ZNF131: variants seen among roughly 807,000 people sequenced by gnomAD.
ZNF131 encodes zinc finger and BTB domain containing 35, also known as zinc finger protein 131.
A neutral mutation model predicts 60.0 loss-of-function variants in ZNF131; 7 were observed. The observed-to-expected ratio is 0.12, with a 90% CI of 0.07 to 0.22. The LOEUF (loss-of-function observed/expected upper bound fraction) is 0.22, where lower values mean the gene tolerates loss of function less well. ZNF131 is among the 10% of genes least tolerant of loss of function. The pLI is 1.00. For synonymous variants in ZNF131, 257 were observed against 253.2 expected (o/e 1.01, Z -0.14); for missense variants, 493 against 740.9 (o/e 0.67, Z 3.88).
intron 3 of ZNF131, chr5:43,124,360 T>C (rs1744242884): frequency 6.6e-6 from 1 of 152,204 alleles, no homozygotes; most frequent in Non-Finnish European, 1.5e-5. Flanking sequence ...GTTTTGGTTT[T>C]ATATCTATTT....
chr5:43,145,705 T>G (rs1747496501), intron 4 of ZNF131, among the ~76,000 whole-genome samples: 3 of 152,140 alleles, frequency 2.0e-5, no homozygotes, highest in African/African-American at 4.8e-5. Flanking sequence ...ACACTTGTAC[T>G]TGAAAAGAAC....
intron 4 of ZNF131, among the ~76,000 whole-genome samples, chr5:43,149,150 A>C (rs1332787006): frequency 6.6e-6 from 1 of 152,140 alleles, no homozygotes; most frequent in Non-Finnish European, 1.5e-5. Context: ...GGATGCCTGT[A>C]ATCCCAGCTA....
intron 4 of ZNF131, among the ~76,000 whole-genome samples, chr5:43,154,059 C>T (rs1271088449): frequency 6.6e-6 from 1 of 152,102 alleles, no homozygotes; most frequent in African/African-American, 2.4e-5. Flanking sequence ...TTTCAAGAGC[C>T]ACAGTAGTGT....
chr5:43,171,087 G>A (rs1750933274), intron 5 of ZNF131, among the ~76,000 whole-genome samples: 1 of 151,878 alleles, frequency 6.6e-6, no homozygotes, highest in African/African-American at 2.4e-5. Context: ...TGGGATTACA[G>A]GTGCCTGCCA....
At chr5:43,164,835 T>G (rs77826997) in intron 5 of ZNF131, among the ~76,000 whole-genome samples, 15 of 152,222 alleles carry the variant, frequency 9.9e-5, no homozygotes, top group Non-Finnish European at 2.1e-4. Flanking sequence ...ATATACCCAT[T>G]GGAGGAACAG....
chr5:43,163,683 A>G (rs1488832920), intron 5 of ZNF131, among the ~76,000 whole-genome samples: 1 of 152,260 alleles, frequency 6.6e-6, no homozygotes, highest in Non-Finnish European at 1.5e-5. Context: ...TGGAGAGAGC[A>G]GTTAATACAG....
chr5:43,166,424 G>A (rs1750357607), intron 5 of ZNF131, among the ~76,000 whole-genome samples: 1 of 151,500 alleles, frequency 6.6e-6, no homozygotes, highest in East Asian at 1.9e-4. Flanking sequence ...GCAGTCATGC[G>A]ATCTCGGCTC....
At chr5:43,124,871 T>TA in intron 3 of ZNF131, 1 of 152,122 alleles carries the variant, frequency 6.6e-6, no homozygotes, top group Non-Finnish European at 1.5e-5. Context: ...ACAAAAAATT[T>TA]AAAAAATTAT....
intron 6 of ZNF131, 90 bp from the exon 7 acceptor site, chr5:43,174,357 T>A: frequency 8.5e-7 from 1 of 1,180,158 alleles, no homozygotes; most frequent in Non-Finnish European, 1.2e-6. Flanking sequence ...GAATAAGCCT[T>A]CAATCTTTTC....
rs376946532 is a variant in ZNF131, at chr5:43,174,928, A to C, written c.1667A>C (p.Gln556Pro). 6.2e-6 allele frequency: 10 copies of C among 1,614,044 alleles called. No individual in the cohort carries two copies. In the African/African-American group the frequency reaches 9.3e-5, roughly 15 times the overall value. The part of the protein sequence containing the change: ...ERVNQMPVEV[Q>P]TELLEADLDH... ...GTCAATCAAATGCCAGTGGAAGTACAAACTGAACTTCTAGAAGCAGATTTG... is the reference window on the plus strand; with the variant it reads ...GTCAATCAAATGCCAGTGGAAGTACCAACTGAACTTCTAGAAGCAGATTTG... Residue 556 changes from glutamine to proline, a missense_variant, in exon 7 of 7, where the codon CAA becomes CCA. Physicochemically the swap from Gln to Pro is moderately conservative, Grantham distance 76. This residue lies in a region of ZNF131 where 202 missense variants were observed against 221.3 expected (regional missense o/e 0.91). Transcript: ENST00000682664.
rs944652104 is a variant in ZNF131, at chr5:43,168,106, C to G, written c.1055-5212C>G. On this transcript the variant is annotated intron_variant, in intron 5 of 6. Transcript: ENST00000682664. ...CCACCCATCCCATTCCCATGATAACCCATTAATTCATTGATCCATGAATGG... is the reference window on the plus strand; with the variant it reads ...CCACCCATCCCATTCCCATGATAACGCATTAATTCATTGATCCATGAATGG... The G allele has an allele frequency of 4.3e-5, 15 of 349,610 alleles. No individual in the cohort carries two copies. In the Admixed American group the frequency reaches 5.7e-4, roughly 13 times the overall value. The allele number at this position is 349,610 out of a possible 1,614,324, so 21.7% of individuals were successfully genotyped here. A position where few individuals can be genotyped will look rare whatever the true frequency, so the allele number is the denominator to read the frequency against.
chr5:43,161,430 G>A lies in ZNF131; in HGVS notation c.553G>A (p.Glu185Lys), dbSNP rs752883113. 1.8e-5 allele frequency: 29 copies of A among 1,614,118 alleles called. No homozygotes were observed. The highest frequency in any genetic ancestry group is 6.7e-5 in the African/African-American group (5 of 74,946). Residue 185 changes from glutamate (E) to lysine (K), a missense_variant, in exon 5 of 7, where the codon GAA becomes AAA. Glu to Lys is a moderately conservative substitution (Grantham distance 56). Coordinates refer to ENST00000682664, the MANE Select transcript of ZNF131 (RefSeq NM_001330707.2). ...GTIEVEDEGI[E>K]TLEEVASAKQ... ...CATTGAAGTGGAAGATGAAGGCATC[G>A]AAACATTAGAGGAAGTGGCTTCTGC...
chr5:43,171,516 C>CTTG (rs1488537280), intron 5 of ZNF131, among the ~76,000 whole-genome samples: 1 of 152,132 alleles, frequency 6.6e-6, no homozygotes, highest in Non-Finnish European at 1.5e-5. Flanking sequence ...TGAGATCATG[C>CTTG]CATTGCACTC....
chr5:43,160,228 C>T (rs1037533444), intron 4 of ZNF131, among the ~76,000 whole-genome samples: 13 of 151,146 alleles, frequency 8.6e-5, no homozygotes, highest in African/African-American at 3.2e-4. Context: ...GTCAGCTGGG[C>T]ACAGTAGCTC....
At chr5:43,152,514 T>A (rs1321842682) in intron 4 of ZNF131, among the ~76,000 whole-genome samples, 1 of 152,190 alleles carries the variant, frequency 6.6e-6, no homozygotes, top group Non-Finnish European at 1.5e-5. Flanking sequence ...GCAGTCAGTT[T>A]AAAAATGCTT....
intron 3 of ZNF131, chr5:43,124,250 A>G (rs1579694737): frequency 6.6e-6 from 1 of 152,336 alleles, no homozygotes; most frequent in African/African-American, 2.4e-5. Flanking sequence ...CTGCTACTGC[A>G]GTAACTCCTC....
intron 3 of ZNF131, chr5:43,123,612 A>G (rs1245180078): frequency 4.1e-6 from 1 of 246,362 alleles, no homozygotes; most frequent in Non-Finnish European, 7.9e-6. Context: ...TTTTGAAAAC[A>G]AGTATTAAAC....
chr5:43,149,225 C>T (rs149270189), intron 4 of ZNF131, among the ~76,000 whole-genome samples: 7 of 150,722 alleles, frequency 4.6e-5, no homozygotes, highest in South Asian at 2.1e-4. Flanking sequence ...GAGCCGAGAT[C>T]GTGCCATTGC....
intron 5 of ZNF131, among the ~76,000 whole-genome samples, chr5:43,165,979 AT>A (rs779106094): frequency 2.2e-4 from 33 of 152,354 alleles, no homozygotes; most frequent in Non-Finnish European, 3.7e-4. Flanking sequence ...CTTTTATGTT[AT>A]AGAAATTCCT....
Sources: allele counts gnomAD v4.1 joint callset (sites outside exome capture counted in the v4.1 genomes callset), GRCh38; gene constraint gnomAD v4.1.1; regional missense constraint gnomAD v4.1.1; transcripts MANE v1.5; gene names NCBI Gene and HGNC (gene_info 2026-07-23, HGNC 2026-07-21).